Variants in SNX27 observed in about 807,000 individuals in gnomAD.
The protein encoded by SNX27 is sorting nexin-27.
A neutral mutation model predicts 71.6 loss-of-function variants in SNX27; 22 were observed. That is an observed-to-expected ratio of 0.31 (90% CI 0.22 to 0.44). SNX27 has a LOEUF of 0.44. Among genes scored for constraint, SNX27 ranks in the 20% least tolerant of loss-of-function variants. SNX27 has a pLI of 1.00. For synonymous variants in SNX27, 269 were observed against 277.2 expected (o/e 0.97, Z 0.29); for missense variants, 531 against 698.6 (o/e 0.76, Z 2.70).
intron 1 of SNX27, among the ~76,000 whole-genome samples, chr1:151,629,767 C>T (rs1336822937): frequency 6.6e-6 from 1 of 151,236 alleles, no homozygotes; most frequent in Non-Finnish European, 1.5e-5. Context: ...TTGGTAGAGA[C>T]GGGGTTTTAC....
At chr1:151,682,254 A>C (rs1339572110) in intron 7 of SNX27, among the ~76,000 whole-genome samples, 1 of 152,212 alleles carries the variant, frequency 6.6e-6, no homozygotes, top group Non-Finnish European at 1.5e-5. Context: ...GTGTTAGTCC[A>C]TTTTCACACT....
intron 7 of SNX27, among the ~76,000 whole-genome samples, chr1:151,671,730 A>G (rs1271084196): frequency 2.0e-5 from 3 of 152,096 alleles, no homozygotes; most frequent in African/African-American, 7.2e-5. Flanking sequence ...ATCCATGAAC[A>G]TGGAATACTT....
intron 2 of SNX27, among the ~76,000 whole-genome samples, chr1:151,642,495 G>A (rs546590341): frequency 2.6e-5 from 4 of 151,988 alleles, no homozygotes; most frequent in African/African-American, 4.8e-5. Flanking sequence ...ATATAGTCTC[G>A]TTTATCAGTT....
chr1:151,632,332 ATT>A (rs1007283982), intron 1 of SNX27, among the ~76,000 whole-genome samples: 1 of 151,764 alleles, frequency 6.6e-6, no homozygotes, highest in African/African-American at 2.4e-5. Context: ...TAATTTTTGT[ATT>A]TTTAGTAGAG....
chr1:151,646,073 G>A (rs568275469), intron 2 of SNX27, among the ~76,000 whole-genome samples: 4 of 151,952 alleles, frequency 2.6e-5, no homozygotes, highest in African/African-American at 7.2e-5. Context: ...CTTTATATAA[G>A]TCTCTATCTG....
chr1:151,636,031 T>C (rs562331475), intron 1 of SNX27, among the ~76,000 whole-genome samples: 4 of 152,290 alleles, frequency 2.6e-5, no homozygotes, highest in African/African-American at 9.6e-5. Context: ...TTGGAGTTTA[T>C]ATACTCCTTT....
At chr1:151,619,393 T>G (rs1414009501) in intron 1 of SNX27, among the ~76,000 whole-genome samples, 1 of 152,164 alleles carries the variant, frequency 6.6e-6, no homozygotes, top group Non-Finnish European at 1.5e-5. Flanking sequence ...ACAGTTTTTT[T>G]GGTTTCTTTT....
intron 8 of SNX27, chr1:151,685,249 C>T (rs1330016135): frequency 2.6e-5 from 4 of 152,080 alleles, no homozygotes; most frequent in Non-Finnish European, 4.4e-5. Flanking sequence ...ATTAAGTTAA[C>T]CATTGTAAGT....
intron 1 of SNX27, among the ~76,000 whole-genome samples, chr1:151,616,827 C>G (rs1211719342): frequency 6.6e-6 from 1 of 152,184 alleles, no homozygotes; most frequent in Non-Finnish European, 1.5e-5. Context: ...GTGTGCTTAT[C>G]TAAAGTACAG....
intron 2 of SNX27, among the ~76,000 whole-genome samples, chr1:151,652,000 G>C (rs889566295): frequency 6.6e-6 from 1 of 152,198 alleles, no homozygotes; most frequent in Non-Finnish European, 1.5e-5. Flanking sequence ...AGGGGCTGGA[G>C]ACCAGCTCGG....
chr1:151,617,637 T>A (rs1301982934), intron 1 of SNX27, among the ~76,000 whole-genome samples: 19 of 152,208 alleles, frequency 1.2e-4, no homozygotes, highest in Admixed American at 1.2e-3. Context: ...GATAGGAAGA[T>A]TATAAGCTCA....
In SNX27 at chr1:151,612,290, G is replaced by A. The variant is rs757644801; in HGVS notation, c.89G>A (p.Cys30Tyr). The change falls in exon 1 of 12, where the codon TGC becomes TAC. Residue 30 changes from cysteine (C) to tyrosine (Y), a missense_variant. By Grantham distance (194) the Cys-to-Tyr change is radical. This residue lies in a region of SNX27 where 130 missense variants were observed against 143.5 expected (regional missense o/e 0.91). Transcript: ENST00000458013. This position sits in a 1 kb window ranked among gnomAD's most constrained non-coding sequence, Gnocchi z 5.2. ...GGGGGGSGLH[C>Y]AGNGGGGGGG... is the part of the protein sequence containing the mutation. ...GGCGGCGGGGGGTCTGGGCTCCACT[G>A]CGCCGGGAACGGCGGCGGGGGAGGC... The A allele has an allele frequency of 6.6e-7, 1 of 1,509,688 alleles. No individual in the cohort carries two copies. Among genetic ancestry groups the A allele is most frequent in the South Asian group, 1.3e-5 (1 of 79,412 alleles). The allele number at this position is 1,509,688 out of a possible 1,614,324, so 93.5% of individuals were successfully genotyped here. A position where few individuals can be genotyped will look rare whatever the true frequency, so the allele number is the denominator to read the frequency against.
chr1:151,622,663 G>A (rs1667729107), intron 1 of SNX27, among the ~76,000 whole-genome samples: 1 of 152,142 alleles, frequency 6.6e-6, no homozygotes, highest in Admixed American at 6.5e-5. Flanking sequence ...ACACTGAGTT[G>A]GTGTTGGGAA....
rs1668771613 is a variant in SNX27, at chr1:151,641,790, GAT to G, written c.543+2677_543+2678del. Among the ~76,000 whole-genome samples, 4 of 137,016 alleles carry G rather than the reference GAT, an allele frequency of 2.9e-5. 1 individual carries two copies. Among genetic ancestry groups the G allele is most frequent in the African/African-American group, 2.7e-5 (1 of 37,192 alleles). The allele number at this position is 137,016 out of a possible 152,430, so 89.9% of individuals were successfully genotyped here. The stretch of plus-strand genomic sequence containing the variant: ...TGCTATATATATCTGATATATATGA[GAT>G]ATATAAGATATAGATATATATGAGA... On this transcript the variant is annotated intron_variant, in intron 2 of 11. Coordinates refer to ENST00000458013, the MANE Select transcript of SNX27 (RefSeq NM_001330723.2).
At chr1:151,643,263 CT>C (rs991300228) in intron 2 of SNX27, among the ~76,000 whole-genome samples, 2 of 118,108 alleles carry the variant, frequency 1.7e-5, no homozygotes, top group African/African-American at 6.1e-5. Context: ...CACGCCTGGC[CT>C]TTTATTTATT....
intron 5 of SNX27, among the ~76,000 whole-genome samples, chr1:151,664,126 TG>T (rs1670085970): frequency 4.7e-5 from 7 of 147,452 alleles, no homozygotes; most frequent in Non-Finnish European, 9.0e-5. Flanking sequence ...TAATAACATA[TG>T]ATATGTTACA....
chr1:151,670,480 CT>C (rs1225428752), intron 7 of SNX27, among the ~76,000 whole-genome samples: 9 of 152,172 alleles, frequency 5.9e-5, no homozygotes, highest in Non-Finnish European at 1.3e-4. Flanking sequence ...AAACTGCTCT[CT>C]GAGTGGTTGT....
chr1:151,693,200 G>T, intron 10 of SNX27, 161 bp downstream of exon 10: 1 of 1,145,320 alleles, frequency 8.7e-7, no homozygotes, highest in Non-Finnish European at 1.2e-6. Flanking sequence ...TTTTGCTTTA[G>T]GCCTGACTGG....
chr1:151,697,781 T>C lies in SNX27; in HGVS notation c.*3364T>C, dbSNP rs539764893. ...GGGAGGCTTCTACCCAGACTTCTTT[T>C]GCAATTTGTCCCTGGGAAGAGGGGG... is the stretch of plus-strand genomic sequence containing the variant. On this transcript the variant is annotated 3_prime_UTR_variant, in exon 12 of 12. Coordinates refer to ENST00000458013, the MANE Select transcript of SNX27 (RefSeq NM_001330723.2). 1 of 152,844 alleles carries C rather than the reference T, an allele frequency of 6.5e-6. No homozygotes were observed. The highest frequency in any genetic ancestry group is 2.1e-4 in the South Asian group (1 of 4,832). 9.5% of individuals were successfully genotyped at this position (152,844 alleles called of 1,614,324 possible).
Sources: allele counts gnomAD v4.1 joint callset (sites outside exome capture counted in the v4.1 genomes callset), GRCh38; gene constraint gnomAD v4.1.1; regional missense constraint gnomAD v4.1.1; non-coding constraint Gnocchi (gnomAD v3.1); transcripts MANE v1.5; gene names NCBI Gene and HGNC (gene_info 2026-07-23, HGNC 2026-07-21).